Variants in ADAM32 observed in about 807,000 individuals in gnomAD.
ADAM32 encodes ADAM metallopeptidase domain 32.
Under a neutral mutation model 114.9 loss-of-function variants are expected in ADAM32, and 89 were observed. The observed-to-expected ratio is 0.77, with a 90% CI of 0.65 to 0.92. The LOEUF is 0.92. ADAM32 is among the 40% of genes least tolerant of loss of function. ADAM32 has a pLI of 0.00. For synonymous variants in ADAM32, 285 were observed against 307.5 expected, an observed-to-expected ratio of 0.93 and a Z score of 0.77; for missense variants, 870 against 932.8, an observed-to-expected ratio of 0.93 and a Z score of 0.88.
At chr8:39,149,991 C>A (rs1803726581) in intron 5 of ADAM32, 124 bp downstream of exon 5, 2 of 607,138 alleles carry the variant, frequency 3.3e-6, no homozygotes, top group East Asian at 3.0e-5. Context: ...TTAATGATAT[C>A]CCCCTCTGAA....
intron 17 of ADAM32, among the ~76,000 whole-genome samples, chr8:39,251,878 T>C (rs1811332932): frequency 6.6e-6 from 1 of 151,930 alleles, no homozygotes; most frequent in Non-Finnish European, 1.5e-5. Context: ...GAATACATTT[T>C]GATTTTATTT....
At chr8:39,119,966 G>A (rs963996081) in intron 2 of ADAM32, among the ~76,000 whole-genome samples, 1 of 152,168 alleles carries the variant, frequency 6.6e-6, no homozygotes, top group African/African-American at 2.4e-5. Context: ...CTTATAAGAA[G>A]AGGAAATATA....
At chr8:39,208,992 C>T (rs1808036581) in intron 11 of ADAM32, among the ~76,000 whole-genome samples, 1 of 152,078 alleles carries the variant, frequency 6.6e-6, no homozygotes, top group Admixed American at 6.6e-5. Flanking sequence ...CTTTCTCTTC[C>T]TCTACTCCCT....
At chr8:39,152,582 C>T (rs1167649020) in intron 6 of ADAM32, among the ~76,000 whole-genome samples, 1 of 152,052 alleles carries the variant, frequency 6.6e-6, no homozygotes, top group African/African-American at 2.4e-5. Context: ...ATTAGTCAGG[C>T]ATGGTGGCAG....
Position 39,204,451 on chromosome 8 carries a change from G to A in ADAM32, c.1053-6693G>A, listed in dbSNP as rs186437660. Among the ~76,000 whole-genome samples the A allele has an allele frequency of 3.4e-3, 513 of 152,254 alleles. 7 individuals carry two copies. The highest frequency in any genetic ancestry group is 0.011 in the African/African-American group (469 of 41,538). On this transcript the variant is annotated intron_variant, in intron 11 of 24. Coordinates refer to ENST00000379907, the MANE Select transcript of ADAM32 (RefSeq NM_145004.7). ...CTACTGAAGCTTGTGCATTTGTCAC[G>A]TAGTTCTCGTGCCATGGTTTTCAGC...
At chr8:39,239,333 G>T (rs559167382) in intron 16 of ADAM32, among the ~76,000 whole-genome samples, 1 of 152,248 alleles carries the variant, frequency 6.6e-6, no homozygotes, top group East Asian at 1.9e-4. Flanking sequence ...CTTCATAAAT[G>T]AGGGAAAGAT....
At chr8:39,148,621 T>A (rs1407626177) in intron 4 of ADAM32, among the ~76,000 whole-genome samples, 1 of 152,186 alleles carries the variant, frequency 6.6e-6, no homozygotes, top group East Asian at 1.9e-4. Context: ...TTTTATTTAC[T>A]GATGTAACAC....
intron 12 of ADAM32, chr8:39,220,814 T>C (rs1278706754): frequency 1.3e-5 from 2 of 152,070 alleles, no homozygotes; most frequent in Non-Finnish European, 2.9e-5. Context: ...TTTGTTGAGA[T>C]CTGTTTTTTA....
chr8:39,184,317 C>A (rs752587546), intron 10 of ADAM32, among the ~76,000 whole-genome samples: 1 of 152,132 alleles, frequency 6.6e-6, no homozygotes, highest in Non-Finnish European at 1.5e-5. Flanking sequence ...TCCTCTTGGC[C>A]CTCCCTATCA....
intron 22 of ADAM32, among the ~76,000 whole-genome samples, chr8:39,278,856 T>G (rs1300043239): frequency 1.3e-5 from 2 of 152,178 alleles, no homozygotes; most frequent in African/African-American, 4.8e-5. Context: ...ACATGCTTTT[T>G]TTATCCACAC....
chr8:39,142,171 G>A (rs1167480325), intron 3 of ADAM32, among the ~76,000 whole-genome samples: 1 of 152,200 alleles, frequency 6.6e-6, no homozygotes, highest in Non-Finnish European at 1.5e-5. Context: ...GCCAGTCTGT[G>A]TCTTTTAATT....
intron 10 of ADAM32, among the ~76,000 whole-genome samples, chr8:39,170,658 A>G (rs868575185): frequency 2.4e-4 from 37 of 152,056 alleles, no homozygotes; most frequent in Admixed American, 6.6e-4. Context: ...AAATTCATAT[A>G]ATTTTGCATT....
Position 39,278,463 on chromosome 8 carries a change from A to T in ADAM32, c.2279+2597A>T, listed in dbSNP as rs150541022. On this transcript the variant is annotated intron_variant, in intron 22 of 24. Transcript: ENST00000379907. ...CACCAGTATGGGTCACATTAGTACT[A>T]CTTTAGTGTAATTATTTTAAATGTC... 5.5e-4 allele frequency among the ~76,000 whole-genome samples: 84 copies of T among 152,184 alleles called. 1 individual carries two copies. The East Asian group carries it at 0.015, about 28-fold the overall frequency.
chr8:39,194,308 G>T (rs1177076607), intron 11 of ADAM32, among the ~76,000 whole-genome samples: 1 of 152,092 alleles, frequency 6.6e-6, no homozygotes, highest in Non-Finnish European at 1.5e-5. Flanking sequence ...GCAAGGGTGG[G>T]GCTCATGGGC....
chr8:39,122,488 G>A (rs907391129), intron 2 of ADAM32, among the ~76,000 whole-genome samples: 5 of 152,128 alleles, frequency 3.3e-5, no homozygotes, highest in Middle Eastern at 3.2e-3. Context: ...CTACCTACAC[G>A]CCGTAAAGAG....
At chr8:39,184,954 A>G (rs190922391) in intron 10 of ADAM32, among the ~76,000 whole-genome samples, 1 of 152,278 alleles carries the variant, frequency 6.6e-6, no homozygotes, top group African/African-American at 2.4e-5. Context: ...ATGGCCTGTA[A>G]CACTCCTGGT....
At chr8:39,242,620 T>A (rs1329733434) in intron 16 of ADAM32, among the ~76,000 whole-genome samples, 2 of 152,130 alleles carry the variant, frequency 1.3e-5, no homozygotes, top group African/African-American at 4.8e-5. Context: ...AGGAAAGACC[T>A]GCCTCCATGA....
At chr8:39,258,092 A>G (rs1811773720) in intron 19 of ADAM32, among the ~76,000 whole-genome samples, 1 of 151,362 alleles carries the variant, frequency 6.6e-6, no homozygotes, top group African/African-American at 2.4e-5. Flanking sequence ...CTTTCTCTGC[A>G]GATGCATTTC....
At chr8:39,255,357 T>C (rs112940771) in intron 18 of ADAM32, among the ~76,000 whole-genome samples, 8,154 of 152,060 alleles carry the variant, frequency 0.054, 749 homozygotes, top group African/African-American at 0.19. Context: ...AACGTAAAAG[T>C]GCTCCCCTTT....
Sources: allele counts gnomAD v4.1 joint callset (sites outside exome capture counted in the v4.1 genomes callset), GRCh38; gene constraint gnomAD v4.1.1; transcripts MANE v1.5; gene names NCBI Gene and HGNC (gene_info 2026-07-23, HGNC 2026-07-21).